ZBTB49: variants seen among roughly 807,000 people sequenced by gnomAD.
ZBTB49 encodes zinc finger and BTB domain-containing protein 49.
In ZBTB49, 43 loss-of-function variants were observed where a neutral mutation model predicts 57.5. The ratio of observed to expected loss-of-function variants is 0.75; its 90% CI spans 0.59 to 0.97. The LOEUF (loss-of-function observed/expected upper bound fraction) is 0.97. ZBTB49 is among the 50% of genes least tolerant of loss of function. The pLI is 0.00. For synonymous variants in ZBTB49, 369 were observed against 362.1 expected (o/e 1.02, Z -0.22); for missense variants, 938 against 947.7 (o/e 0.99, Z 0.13).
At chr4:4,320,045 T>G (rs1469898392) in intron 7 of ZBTB49, among the ~76,000 whole-genome samples, 1 of 151,598 alleles carries the variant, frequency 6.6e-6, no homozygotes, top group Non-Finnish European at 1.5e-5. Flanking sequence ...GCCTGGGCGA[T>G]TTTTTTCTTT....
intron 3 of ZBTB49, among the ~76,000 whole-genome samples, chr4:4,305,421 G>C (rs2108883684): frequency 6.6e-6 from 1 of 152,292 alleles, no homozygotes; most frequent in Non-Finnish European, 1.5e-5. Flanking sequence ...GCGTTATATA[G>C]ATTAAAGGCA....
intron 3 of ZBTB49, 23 bp from the exon 4 acceptor site, chr4:4,306,115 G>A (rs904386850): frequency 6.2e-7 from 1 of 1,606,996 alleles, no homozygotes; most frequent in African/African-American, 1.3e-5. Context: ...GATTTTACAA[G>A]TTGTTGTTTT....
Position 4,302,248 on chromosome 4 carries a change from A to G in ZBTB49, c.412A>G (p.Ser138Gly). 1.2e-6 allele frequency: 2 copies of G among 1,614,246 alleles called. No homozygotes were observed. Among genetic ancestry groups the G allele is most frequent in the Non-Finnish European group, 1.7e-6 (2 of 1,180,040 alleles). Residue 138 changes from serine (S) to glycine (G), a missense_variant, in exon 3 of 8, where the codon AGC becomes GGC. Ser to Gly is a moderately conservative substitution (Grantham distance 56). This residue lies in a region of ZBTB49 where 835 missense variants were observed against 819.1 expected (regional missense o/e 1.02). Transcript: ENST00000337872. ...TTGTAATAGTACATTGTCTCTACAA[A>G]GCACCCTGACCCCAGATGCCACTTG... ...MPCNSTLSLQ[S>G]TLTPDATCVI...
chr4:4,313,080 G>T lies in ZBTB49; in HGVS notation c.1342G>T (p.Glu448Ter), dbSNP rs1176469003. The change falls in exon 5 of 8, where the codon GAA becomes TAA. Residue 448 changes from glutamate (E) to a stop codon, truncating the protein, a stop_gained. Transcript: ENST00000337872. LOFTEE classifies it high-confidence loss of function. ...LQTHLRRHSGEKPYICEICGK... is the reference protein window; with the variant it reads ...LQTHLRRHSG ...GACTCACTTACGACGGCATTCTGGT[G>T]AAAAACCATACATCTGCGAGATCTG... is the stretch of plus-strand genomic sequence containing the variant. 6.2e-7 allele frequency: 1 copy of T among 1,614,092 alleles called. No individual in the cohort carries two copies.
At chr4:4,315,087 T>A (rs1721130970) in intron 5 of ZBTB49, among the ~76,000 whole-genome samples, 1 of 152,200 alleles carries the variant, frequency 6.6e-6, no homozygotes, top group African/African-American at 2.4e-5. Context: ...CAGCCATACC[T>A]CTTGGTCCCT....
intron 2 of ZBTB49, 69 bp from the exon 3 acceptor site, chr4:4,301,920 A>G (rs2108877397): frequency 7.4e-7 from 1 of 1,351,904 alleles, no homozygotes; most frequent in Admixed American, 2.7e-5. Flanking sequence ...TTAATATATG[A>G]ATGTTATTTA....
At chr4:4,296,940 G>A (rs1720230843) in intron 1 of ZBTB49, among the ~76,000 whole-genome samples, 2 of 152,202 alleles carry the variant, frequency 1.3e-5, no homozygotes, top group African/African-American at 4.8e-5. Context: ...TCTTGGGAAG[G>A]AGGAGGCATG....
At chr4:4,308,536 G>A (rs1417769424) in intron 4 of ZBTB49, among the ~76,000 whole-genome samples, 2 of 152,294 alleles carry the variant, frequency 1.3e-5, no homozygotes, top group East Asian at 3.9e-4. Context: ...GTGTACTTTT[G>A]TTAGGTTTCT....
intron 1 of ZBTB49, among the ~76,000 whole-genome samples, chr4:4,293,731 T>A (rs1278694984): frequency 6.6e-6 from 1 of 152,250 alleles, no homozygotes; most frequent in African/African-American, 2.4e-5. Flanking sequence ...GAGGTCAGGA[T>A]GGCTTTCCTG....
chr4:4,303,900 T>C (rs1720624902), intron 3 of ZBTB49, among the ~76,000 whole-genome samples: 1 of 152,132 alleles, frequency 6.6e-6, no homozygotes, highest in Non-Finnish European at 1.5e-5. Flanking sequence ...AATTACCTTA[T>C]AGGCATGAGA....
At chr4:4,315,268 C>T (rs1721137236) in intron 5 of ZBTB49, among the ~76,000 whole-genome samples, 1 of 152,184 alleles carries the variant, frequency 6.6e-6, no homozygotes, top group South Asian at 2.1e-4. Context: ...GGCAGGACTG[C>T]AAGGGTGGAA....
In ZBTB49 at chr4:4,294,763, A is replaced by G. The variant is rs545881378; in HGVS notation, c.-20+4411A>G. Reference sequence around the variant, plus strand: ...TTTCCTTTATCACTTCTATAGAGCTAGAAAATGTCTAATTTTCTAATTAGA... The same window carrying G: ...TTTCCTTTATCACTTCTATAGAGCTGGAAAATGTCTAATTTTCTAATTAGA... On this transcript the variant is annotated intron_variant, in intron 1 of 7. Coordinates refer to ENST00000337872, the MANE Select transcript of ZBTB49 (RefSeq NM_145291.4). Among the ~76,000 whole-genome samples the G allele has an allele frequency of 8.5e-5, 13 of 152,284 alleles. No individual in the cohort carries two copies. In the South Asian group the frequency reaches 2.7e-3, roughly 32 times the overall value.
In ZBTB49 at chr4:4,302,982, G is replaced by A. The variant is rs749738175; in HGVS notation, c.1146G>A (p.Leu382=). Residue 382 remains leucine, a synonymous_variant, in exon 3 of 8, where the codon CTG becomes CTA. Coordinates refer to ENST00000337872, the MANE Select transcript of ZBTB49 (RefSeq NM_145291.4). The part of the protein sequence containing the change: ...ETERPEDPAA[L]EDQSQTLQSQ... ...AGAGGCCTGAAGACCCGGCTGCCCT[G>A]GAAGACCAGTCCCAGACACTTCAGT... is the stretch of plus-strand genomic sequence containing the variant. The A allele has an allele frequency of 7.4e-6, 12 of 1,614,062 alleles. No homozygotes were observed. The highest frequency in any genetic ancestry group is 1.0e-5 in the Non-Finnish European group (12 of 1,180,038).
chr4:4,294,846 T>A (rs1034021751), intron 1 of ZBTB49, among the ~76,000 whole-genome samples: 2 of 150,516 alleles, frequency 1.3e-5, no homozygotes, highest in Admixed American at 6.6e-5. Flanking sequence ...TTTACCTAAT[T>A]TTAACAGGTC....
intron 3 of ZBTB49, among the ~76,000 whole-genome samples, chr4:4,304,924 C>CAA (rs1160446813): frequency 1.1e-5 from 1 of 94,052 alleles, no homozygotes; most frequent in East Asian, 2.8e-4. Flanking sequence ...AACAAAAGCT[C>CAA]TTTAGGACCT....
At chr4:4,291,398 G>A (rs561448232) in intron 1 of ZBTB49, among the ~76,000 whole-genome samples, 1 of 152,286 alleles carries the variant, frequency 6.6e-6, no homozygotes, top group East Asian at 1.9e-4. Flanking sequence ...ACGTCAGTCA[G>A]GTTGTATTAG....
chr4:4,318,169 A>T (rs1175605373), intron 7 of ZBTB49, among the ~76,000 whole-genome samples: 1 of 152,152 alleles, frequency 6.6e-6, no homozygotes, highest in African/African-American at 2.4e-5. Flanking sequence ...CTCGACTCGA[A>T]AGATGAAGGA....
chr4:4,303,118 A>G, intron 3 of ZBTB49, 27 bp downstream of exon 3: 1 of 1,552,608 alleles, frequency 6.4e-7, no homozygotes, highest in Non-Finnish European at 8.7e-7. Context: ...CCACAGGCAG[A>G]AGGGAAGGAC....
intron 7 of ZBTB49, 146 bp downstream of exon 7, chr4:4,316,116 C>T (rs776563673): frequency 1.6e-5 from 18 of 1,113,648 alleles, no homozygotes; most frequent in African/African-American, 6.3e-5. Flanking sequence ...CTCATTCATT[C>T]CTGCATTTGT....
Sources: allele counts gnomAD v4.1 joint callset (sites outside exome capture counted in the v4.1 genomes callset), GRCh38; gene constraint gnomAD v4.1.1; regional missense constraint gnomAD v4.1.1; transcripts MANE v1.5; gene names NCBI Gene and HGNC (gene_info 2026-07-23, HGNC 2026-07-21).